Variants in FGD2 observed in about 807,000 individuals in gnomAD.
The protein encoded by FGD2 is FYVE, RhoGEF and PH domain containing 2.
FGD2 carries 52 observed loss-of-function variants against 75.9 expected under a neutral mutation model. The observed-to-expected ratio is 0.69, with a 90% CI of 0.55 to 0.86. The LOEUF (loss-of-function observed/expected upper bound fraction) is 0.86, where lower values mean the gene tolerates loss of function less well. Among genes scored for constraint, FGD2 ranks in the 40% least tolerant of loss-of-function variants. FGD2 has a pLI of 0.00. For synonymous variants in FGD2, 347 were observed against 348.6 expected, an observed-to-expected ratio of 1.00 and a Z score of 0.05; for missense variants, 790 against 872.0, an observed-to-expected ratio of 0.91 and a Z score of 1.18.
rs1202708956 is a variant in FGD2, at chr6:37,012,412, T to G, written c.527+558T>G. Among the ~76,000 whole-genome samples the G allele has an allele frequency of 2.0e-5, 3 of 152,298 alleles. No individual in the cohort carries two copies. The East Asian group carries it at 5.8e-4, about 29-fold the overall frequency. The stretch of plus-strand genomic sequence containing the variant: ...AAAACATTTATAATAAACTGTTGTT[T>G]TTTTTTAAGATAATAATAGCCAGGT... On this transcript the variant is annotated intron_variant, in intron 4 of 15. Coordinates refer to ENST00000274963, the MANE Select transcript of FGD2 (RefSeq NM_173558.4).
At chr6:37,009,272 G>A (rs1446074751) in intron 2 of FGD2, 14 of 538,008 alleles carry the variant, frequency 2.6e-5, no homozygotes, top group South Asian at 2.1e-4. Context: ...GGATTACTTC[G>A]CGAGTCCCTC....
rs922497872 is a variant in FGD2, at chr6:37,012,104, CT to C, written c.527+253del. The stretch of plus-strand genomic sequence containing the variant: ...CTGGCCAAGCCAAGTGACCAAGTGA[CT>C]TTGGGACAGTGAAAATAGCCAGTGC... On this transcript the variant is annotated intron_variant, in intron 4 of 15. Transcript: ENST00000274963. 1.2e-5 allele frequency: 5 copies of C among 430,180 alleles called. No homozygotes were observed. The Admixed American group carries it at 2.2e-4, about 19-fold the overall frequency. 26.6% of individuals were successfully genotyped at this position (430,180 alleles called of 1,614,324 possible). A position where few individuals can be genotyped will look rare whatever the true frequency, so the allele number is the denominator to read the frequency against.
At chr6:37,006,982 T>C (rs867192807) in intron 1 of FGD2, among the ~76,000 whole-genome samples, 2 of 152,118 alleles carry the variant, frequency 1.3e-5, no homozygotes, top group Non-Finnish European at 2.9e-5. Flanking sequence ...CAGCTCTCTC[T>C]TCCAGAGAGT....
In FGD2 at chr6:37,017,230, G is replaced by T. The variant is rs138886017; in HGVS notation, c.1122+1370G>T. Among the ~76,000 whole-genome samples the T allele has an allele frequency of 2.9e-3, 434 of 152,244 alleles. 6 individuals carry two copies. The highest frequency in any genetic ancestry group is 0.018 in the Admixed American group (269 of 15,290). On this transcript the variant is annotated intron_variant, in intron 9 of 15. Coordinates refer to ENST00000274963, the MANE Select transcript of FGD2 (RefSeq NM_173558.4). ...AGATGCACCGGAATTTCTTCAACCA[G>T]TCTTCTGCTGAGAGACACTTAGATT...
At chr6:37,019,611 C>T (rs939795315) in intron 9 of FGD2, among the ~76,000 whole-genome samples, 2 of 152,180 alleles carry the variant, frequency 1.3e-5, no homozygotes, top group Non-Finnish European at 2.9e-5. Flanking sequence ...CTCTCCACAC[C>T]GTCTGAAGGA....
At chr6:37,013,331 C>A in intron 4 of FGD2, 1 of 590,070 alleles carries the variant, frequency 1.7e-6, no homozygotes, top group Non-Finnish European at 2.5e-6. Context: ...CATAATGAAG[C>A]ACTGAGCAGT....
chr6:37,015,590 C>T (rs1314792631), intron 8 of FGD2, among the ~76,000 whole-genome samples, 178 bp from the exon 9 acceptor site: 1 of 152,192 alleles, frequency 6.6e-6, no homozygotes, highest in Non-Finnish European at 1.5e-5. Flanking sequence ...CTTGACAGCC[C>T]CTTCCTCATC....
At position 37,025,857 on chromosome 6, in the gene FGD2, A is replaced by T; in HGVS notation, c.1524A>T (p.Arg508=). 2 of 1,614,122 alleles carry T rather than the reference A, an allele frequency of 1.2e-6. No individual in the cohort carries two copies. Among genetic ancestry groups the T allele is most frequent in the Non-Finnish European group, 1.7e-6 (2 of 1,179,996 alleles). ...AATACGACGACAACAGGCCCAACCGAGTCTGCCTCCACTGCTACGCATTCC... is the reference window on the plus strand; with the variant it reads ...AATACGACGACAACAGGCCCAACCGTGTCTGCCTCCACTGCTACGCATTCC... ...ELKYDDNRPN[R]VCLHCYAFLT... is the part of the protein sequence containing the mutation. The change falls in exon 14 of 16, where the codon CGA becomes CGT. Residue 508 remains arginine, a synonymous_variant. Transcript: ENST00000274963.
At chr6:37,020,138 C>CTGT (rs1396564716) in intron 9 of FGD2, among the ~76,000 whole-genome samples, 10 of 152,202 alleles carry the variant, frequency 6.6e-5, no homozygotes, top group Non-Finnish European at 1.5e-4. Context: ...AGGCGTGAGC[C>CTGT]ACTGCACCCA....
At position 37,005,745 on chromosome 6, in the gene FGD2, G is replaced by A. The variant is rs1764717965; in HGVS notation, c.-73G>A. 1.3e-6 allele frequency: 2 copies of A among 1,516,286 alleles called. No individual in the cohort carries two copies. The highest frequency in any genetic ancestry group is 1.4e-5 in the African/African-American group (1 of 73,198). 93.9% of individuals were successfully genotyped at this position (1,516,286 alleles called of 1,614,324 possible). A position where few individuals can be genotyped will look rare whatever the true frequency, so the allele number is the denominator to read the frequency against. ...TAGCCTATCTGTCCCAGGCCAGCGT[G>A]GCTGAGTGTGCTGGCTGGAGGCCTC... On this transcript the variant is annotated 5_prime_UTR_variant, in exon 1 of 16. Coordinates refer to ENST00000274963, the MANE Select transcript of FGD2 (RefSeq NM_173558.4).
Position 37,028,443 on chromosome 6 carries a change from C to A in FGD2, c.*280C>A. Reference sequence around the variant, plus strand: ...CTAAAACTGGGAAAGCCCCAGGTAACCCCGGACTGGTGGTCACCATAGTAT... The same window carrying A: ...CTAAAACTGGGAAAGCCCCAGGTAAACCCGGACTGGTGGTCACCATAGTAT... On this transcript the variant is annotated 3_prime_UTR_variant, in exon 16 of 16. Coordinates refer to ENST00000274963, the MANE Select transcript of FGD2 (RefSeq NM_173558.4). The A allele has an allele frequency of 9.2e-6, 4 of 434,570 alleles. No individual in the cohort carries two copies. Among genetic ancestry groups the A allele is most frequent in the Non-Finnish European group, 1.7e-5 (4 of 242,376 alleles). The allele number at this position is 434,570 out of a possible 1,614,324, so 26.9% of individuals were successfully genotyped here.
Position 37,028,047 on chromosome 6 carries a change from C to G in FGD2, c.1852C>G (p.Leu618Val). 1 of 1,611,552 alleles carries G rather than the reference C, an allele frequency of 6.2e-7. No individual in the cohort carries two copies. The highest frequency in any genetic ancestry group is 8.5e-7 in the Non-Finnish European group (1 of 1,178,926). ...RVFQLQQSGQ[L>V]YTFKAETEEL... is the part of the protein sequence containing the mutation. Reference sequence around the variant, plus strand: ...CTTCCAGCTACAGCAGTCAGGCCAGCTCTACACCTTCAAGGCCGAGACGGA... The same window carrying G: ...CTTCCAGCTACAGCAGTCAGGCCAGGTCTACACCTTCAAGGCCGAGACGGA... The change falls in exon 16 of 16, where the codon CTC becomes GTC. Residue 618 changes from leucine to valine, a missense_variant. Physicochemically the swap from Leu to Val is conservative, Grantham distance 32. Transcript: ENST00000274963.
At chr6:37,026,101 T>C in intron 14 of FGD2, 163 bp downstream of exon 14, 3 of 984,698 alleles carry the variant, frequency 3.0e-6, no homozygotes, top group Non-Finnish European at 3.6e-6. Context: ...ACCCCAGGCC[T>C]CTCGCCACAG....
chr6:37,018,549 T>C (rs1342666161), intron 9 of FGD2, among the ~76,000 whole-genome samples: 1 of 152,158 alleles, frequency 6.6e-6, no homozygotes, highest in African/African-American at 2.4e-5. Flanking sequence ...CTCTCCAAGG[T>C]CTGACTTGGT....
At chr6:37,016,185 C>T (rs753320293) in intron 9 of FGD2, among the ~76,000 whole-genome samples, 30 of 152,264 alleles carry the variant, frequency 2.0e-4, no homozygotes, top group Non-Finnish European at 3.4e-4. Context: ...TGTAAAAATG[C>T]AGGTTCTGAA....
intron 14 of FGD2, chr6:37,026,435 CA>C: frequency 3.1e-6 from 3 of 978,988 alleles, no homozygotes; most frequent in South Asian, 9.5e-5. Context: ...GATCACACAG[CA>C]AGTTAGGAGC....
rs1299168501 is a variant in FGD2 at position 37,028,170 on chromosome 6, G to A, written c.*7G>A. 6.4e-7 allele frequency: 1 copy of A among 1,550,636 alleles called. No homozygotes were observed. The highest frequency in any genetic ancestry group is 8.7e-7 in the Non-Finnish European group (1 of 1,147,168). On this transcript the variant is annotated 3_prime_UTR_variant, in exon 16 of 16. Transcript: ENST00000274963. ...TGGGGACCTGTCCGACTGAGCCACT[G>A]CCAGCCGCTCTCCTGCCCACCTCTC... is the stretch of plus-strand genomic sequence containing the variant.
At chr6:37,013,454 C>G (rs187097494) in intron 4 of FGD2, 155 bp from the exon 5 acceptor site, 10 of 1,433,602 alleles carry the variant, frequency 7.0e-6, no homozygotes, top group Non-Finnish European at 5.5e-6. Flanking sequence ...AGTAGAGGGG[C>G]GCATGTGAGG....
chr6:37,013,583 G>A (rs191346448), intron 4 of FGD2, 26 bp from the exon 5 acceptor site: 1 of 1,608,186 alleles, frequency 6.2e-7, no homozygotes, highest in Non-Finnish European at 8.5e-7. Flanking sequence ...TCTAGGCTGA[G>A]GGCAATCCCT....
Sources: allele counts gnomAD v4.1 joint callset (sites outside exome capture counted in the v4.1 genomes callset), GRCh38; gene constraint gnomAD v4.1.1; transcripts MANE v1.5; gene names NCBI Gene and HGNC (gene_info 2026-07-23, HGNC 2026-07-21).